Variants in PCCA observed in about 807,000 individuals in gnomAD.
PCCA encodes the protein propionyl-CoA carboxylase subunit alpha.
Under a neutral mutation model 101.3 loss-of-function variants are expected in PCCA, and 74 were observed. That is an observed-to-expected ratio of 0.73 (90% confidence interval 0.61 to 0.89). The LOEUF is 0.89. Ranked by LOEUF, PCCA falls within the 40% of genes least tolerant of loss-of-function variation. The pLI, the probability that PCCA is intolerant of heterozygous loss-of-function variation, is 0.00. For synonymous variants in PCCA, 294 were observed against 313.6 expected (o/e 0.94, Z 0.66); for missense variants, 891 against 907.0 (o/e 0.98, Z 0.23).
intron 22 of PCCA, among the ~76,000 whole-genome samples, chr13:100,524,082 G>C (rs184635629): frequency 6.6e-6 from 1 of 152,182 alleles, no homozygotes; most frequent in East Asian, 1.9e-4. Flanking sequence ...TGTACTCTAC[G>C]GTGTGCGACA....
intron 21 of PCCA, among the ~76,000 whole-genome samples, chr13:100,461,076 A>G (rs2082131983): frequency 6.6e-6 from 1 of 152,222 alleles, no homozygotes; most frequent in South Asian, 2.1e-4. Flanking sequence ...TGCCTTTGCT[A>G]CTAATATGAC....
chr13:100,111,073 G>A (rs1180472014), intron 2 of PCCA, among the ~76,000 whole-genome samples: 4 of 151,350 alleles, frequency 2.6e-5, no homozygotes, highest in East Asian at 1.9e-4. Context: ...GTGCAGTGGC[G>A]TGATCTCAGC....
chr13:100,478,040 T>G (rs1304301178), intron 21 of PCCA, among the ~76,000 whole-genome samples: 1 of 152,220 alleles, frequency 6.6e-6, no homozygotes, highest in Non-Finnish European at 1.5e-5. Context: ...GGCTTTTGTT[T>G]CTTAGCAAAT....
chr13:100,527,806 C>T, intron 23 of PCCA, 54 bp downstream of exon 23: 5 of 1,298,548 alleles, frequency 3.9e-6, no homozygotes, highest in Non-Finnish European at 5.6e-6. Flanking sequence ...GAGGAACGCC[C>T]ACCTTTGAAT....
At chr13:100,503,427 T>C (rs1400688009) in intron 21 of PCCA, among the ~76,000 whole-genome samples, 1 of 150,374 alleles carries the variant, frequency 6.7e-6, no homozygotes, top group South Asian at 2.1e-4. Context: ...GAGGTGGAGG[T>C]TGTGGTGAGC....
intron 1 of PCCA, 112 bp from the exon 2 acceptor site, chr13:100,102,771 A>G: frequency 1.4e-6 from 1 of 735,572 alleles, no homozygotes; most frequent in Non-Finnish European, 2.5e-6. Flanking sequence ...GCCTAGAACT[A>G]CATTTATTGA....
chr13:100,201,692 T>A (rs2152464572), intron 6 of PCCA, among the ~76,000 whole-genome samples: 1 of 151,666 alleles, frequency 6.6e-6, no homozygotes, highest in Non-Finnish European at 1.5e-5. Flanking sequence ...ACCCCGTCCC[T>A]ACTAAAAATA....
chr13:100,519,626 C>A (rs1195818479), intron 22 of PCCA, among the ~76,000 whole-genome samples: 1 of 152,222 alleles, frequency 6.6e-6, no homozygotes, highest in African/African-American at 2.4e-5. Flanking sequence ...GACACAGGCA[C>A]CCCATCCCAT....
At chr13:100,227,348 C>T (rs2060203272) in intron 7 of PCCA, among the ~76,000 whole-genome samples, 2 of 152,178 alleles carry the variant, frequency 1.3e-5, no homozygotes, top group Admixed American at 6.5e-5. Context: ...AAATAAATGA[C>T]ATTTGCAGAA....
At chr13:100,507,656 C>CTTTTA (rs551728643) in intron 21 of PCCA, among the ~76,000 whole-genome samples, 94 of 152,174 alleles carry the variant, frequency 6.2e-4, no homozygotes, top group African/African-American at 2.0e-3. Flanking sequence ...AATTTTCTTT[C>CTTTTA]TTTTCTTTTC....
At position 100,431,900 on chromosome 13, in the gene PCCA, A is replaced by G. The variant is rs556745372; in HGVS notation, c.1845+6169A>G. Among the ~76,000 whole-genome samples the G allele has an allele frequency of 5.3e-5, 8 of 151,484 alleles. No individual in the cohort carries two copies. The South Asian group carries it at 1.7e-3, about 32-fold the overall frequency. On this transcript the variant is annotated intron_variant, in intron 20 of 23. Transcript: ENST00000376285. ...AATAATAATAAATAAAATAAAATAC[A>G]GATACCAGGCCGGGTGTGGTGGCTT...
At chr13:100,365,158 G>A (rs1341672270) in intron 18 of PCCA, among the ~76,000 whole-genome samples, 1 of 152,198 alleles carries the variant, frequency 6.6e-6, no homozygotes, top group African/African-American at 2.4e-5. Context: ...TTTTACAGGT[G>A]TAGAAATATT....
intron 12 of PCCA, among the ~76,000 whole-genome samples, chr13:100,279,493 T>C (rs2063917108): frequency 6.6e-6 from 1 of 152,190 alleles, no homozygotes; most frequent in East Asian, 1.9e-4. Flanking sequence ...TTGTTTTTTT[T>C]TGAGACGGAG....
intron 6 of PCCA, among the ~76,000 whole-genome samples, chr13:100,165,737 A>G (rs149189942): frequency 1.3e-3 from 196 of 152,252 alleles, no homozygotes; most frequent in African/African-American, 4.5e-3. Flanking sequence ...TGCAGTTTTT[A>G]AAGCAGAGTT....
chr13:100,368,712 G>T, intron 19 of PCCA, 138 bp downstream of exon 19: 1 of 643,214 alleles, frequency 1.6e-6, no homozygotes, highest in East Asian at 2.9e-5. Context: ...TTAGGAAGCT[G>T]AATGGAAATG....
At chr13:100,421,694 A>AT (rs1202863646) in intron 19 of PCCA, among the ~76,000 whole-genome samples, 5 of 149,644 alleles carry the variant, frequency 3.3e-5, no homozygotes, top group Admixed American at 1.3e-4. Flanking sequence ...CTTATTTTTT[A>AT]TTTTTTTTGA....
chr13:100,362,439 A>G (rs916045733), intron 18 of PCCA, among the ~76,000 whole-genome samples: 2 of 152,234 alleles, frequency 1.3e-5, no homozygotes, highest in Non-Finnish European at 2.9e-5. Flanking sequence ...TGTAAGCAGC[A>G]TATGGGTTAG....
At chr13:100,189,290 G>A (rs1000223151) in intron 6 of PCCA, among the ~76,000 whole-genome samples, 2 of 152,160 alleles carry the variant, frequency 1.3e-5, no homozygotes, top group African/African-American at 4.8e-5. Flanking sequence ...TTCTATCATT[G>A]ATGGACATTT....
intron 19 of PCCA, among the ~76,000 whole-genome samples, chr13:100,392,266 TC>T (rs1267366911): frequency 6.6e-6 from 1 of 152,130 alleles, no homozygotes; most frequent in Non-Finnish European, 1.5e-5. Flanking sequence ...AAAAACTGCT[TC>T]CCTAGTGGTC....
Sources: gnomAD v4.1 joint callset for allele counts (sites outside exome capture counted in the v4.1 genomes callset) on GRCh38, gnomAD v4.1.1 for gene constraint, MANE v1.5 for transcripts, NCBI Gene and HGNC (gene_info 2026-07-23, HGNC 2026-07-21) for gene names.